Variants in PCNX1 observed in about 807,000 individuals in gnomAD.
PCNX1 encodes the protein pecanex-like protein 1.
A neutral mutation model predicts 242.2 loss-of-function variants in PCNX1; 78 were observed. The ratio of observed to expected loss-of-function variants is 0.32; its 90% CI spans 0.27 to 0.39. PCNX1 has a LOEUF of 0.39. PCNX1 is among the 10% of genes least tolerant of loss of function. The pLI is 1.00. For synonymous variants in PCNX1, 1,024 were observed against 1,032.9 expected, an observed-to-expected ratio of 0.99 and a Z score of 0.17; for missense variants, 2,581 against 2,856.5, an observed-to-expected ratio of 0.90 and a Z score of 2.20.
intron 1 of PCNX1, among the ~76,000 whole-genome samples, chr14:70,932,839 C>T (rs981568899): frequency 6.6e-6 from 1 of 151,762 alleles, no homozygotes; most frequent in Non-Finnish European, 1.5e-5. Flanking sequence ...CTCGAACTCC[C>T]GACCTCAGGT....
At chr14:71,056,578 A>G (rs1390858826) in intron 25 of PCNX1, among the ~76,000 whole-genome samples, 2 of 152,184 alleles carry the variant, frequency 1.3e-5, no homozygotes, top group Admixed American at 6.5e-5. Flanking sequence ...CTCCAATACT[A>G]TGCTTGGGGC....
chr14:71,101,875 CAT>C (rs66532761), intron 30 of PCNX1, 113 bp from the exon 31 acceptor site: 65,222 of 543,520 alleles, frequency 0.12, 5,079 homozygotes, highest in African/African-American at 0.28. Flanking sequence ...ATAATATTAA[CAT>C]GTGTTGAAAT....
chr14:71,086,240 T>C (rs2141612954), intron 28 of PCNX1, among the ~76,000 whole-genome samples: 2 of 152,358 alleles, frequency 1.3e-5, no homozygotes, highest in East Asian at 3.9e-4. Flanking sequence ...TTATGGAATA[T>C]AGTTAAAATA....
chr14:71,026,065 T>C (rs999575500), intron 13 of PCNX1, 52 bp from the exon 14 acceptor site: 1 of 1,227,302 alleles, frequency 8.1e-7, no homozygotes, highest in Non-Finnish European at 1.1e-6. Flanking sequence ...CCAGTAGTTA[T>C]TTGTGACTCT....
chr14:71,108,632 G>A lies in PCNX1; in HGVS notation c.6330G>A (p.Gln2110=), dbSNP rs777203811. Residue 2110 remains glutamine (Q), a synonymous_variant, in exon 34 of 36, where the codon CAG becomes CAA. Coordinates refer to ENST00000304743, the MANE Select transcript of PCNX1 (RefSeq NM_014982.3). ...LGTSHSSHSV[Q]SGLVRQSPAR... ...CTAGCCACAGCTCTCACTCTGTGCA[G>A]TCGGGCCTGGTCAGACAGTCTCCTG... 1.2e-6 allele frequency: 2 copies of A among 1,613,636 alleles called. No homozygotes were observed. The highest frequency in any genetic ancestry group is 1.1e-5 in the South Asian group (1 of 91,008).
intron 5 of PCNX1, among the ~76,000 whole-genome samples, chr14:70,973,814 C>T (rs2058611242): frequency 6.6e-6 from 1 of 152,090 alleles, no homozygotes; most frequent in Non-Finnish European, 1.5e-5. Flanking sequence ...ATTTAGACCT[C>T]TGCCACTGAT....
chr14:70,987,878 G>C (rs2059046186), intron 6 of PCNX1, among the ~76,000 whole-genome samples: 1 of 152,190 alleles, frequency 6.6e-6, no homozygotes, highest in African/African-American at 2.4e-5. Flanking sequence ...ATGAGTTCCT[G>C]TGCTTGCCAA....
chr14:70,972,166 C>T (rs1195712672), intron 5 of PCNX1, among the ~76,000 whole-genome samples: 1 of 150,516 alleles, frequency 6.6e-6, no homozygotes, highest in Non-Finnish European at 1.5e-5. Context: ...AAGTAGTGGT[C>T]ATAGATGAAG....
chr14:70,994,396 G>GATATATGTGTATATATAT (rs1371763584), intron 7 of PCNX1, among the ~76,000 whole-genome samples: 17 of 96,958 alleles, frequency 1.8e-4, no homozygotes, highest in African/African-American at 6.5e-4. Context: ...ACAGGCTTAA[G>GATATATGTGTATATATAT]ATATATATAT....
At chr14:71,073,892 T>TA (rs763600705) in intron 27 of PCNX1, 94 bp downstream of exon 27, 2 of 831,460 alleles carry the variant, frequency 2.4e-6, no homozygotes, top group Non-Finnish European at 3.3e-6. Context: ...TACTTTTTTT[T>TA]AACGTATGCT....
rs1338237835 is a variant in PCNX1, at chr14:71,109,856, C to G, written c.6947C>G (p.Ala2316Gly). 6.2e-7 allele frequency: 1 copy of G among 1,612,264 alleles called. No homozygotes were observed. Among genetic ancestry groups the G allele is most frequent in the African/African-American group, 1.3e-5 (1 of 74,866 alleles). ...GGTACCAGATCCCACATCGACAAGG[C>G]AGTGCTTCTGGTCCAGATTGATGAT... ...DPGTRSHIDK[A>G]VLLVQIDDKY... The change falls in exon 36 of 36, where the codon GCA becomes GGA. Residue 2316 changes from alanine to glycine, a missense_variant. Physicochemically the swap from Ala to Gly is moderately conservative, Grantham distance 60 (BLOSUM62 0). Around this residue, in one of 9 missense-constraint regions of PCNX1, gnomAD observed 432 missense variants for 433.6 expected, o/e 1.00. Coordinates refer to ENST00000304743, the MANE Select transcript of PCNX1 (RefSeq NM_014982.3).
intron 8 of PCNX1, among the ~76,000 whole-genome samples, chr14:70,998,799 A>G (rs2059426243): frequency 6.7e-6 from 1 of 149,170 alleles, no homozygotes; most frequent in South Asian, 2.1e-4. Context: ...TTTCTTTCCT[A>G]TTTATAGCTT....
intron 19 of PCNX1, among the ~76,000 whole-genome samples, chr14:71,042,662 T>G (rs2060743447): frequency 6.6e-6 from 1 of 152,112 alleles, no homozygotes; most frequent in Admixed American, 6.5e-5. Flanking sequence ...TTTGTTGACA[T>G]CAGGATACAC....
At chr14:70,945,825 G>A (rs572087342) in intron 1 of PCNX1, among the ~76,000 whole-genome samples, 7 of 152,194 alleles carry the variant, frequency 4.6e-5, no homozygotes, top group Non-Finnish European at 8.8e-5. Context: ...CCACCACTAC[G>A]CCTGGCTAGA....
At chr14:71,017,985 T>TAC (rs2060003264) in intron 11 of PCNX1, among the ~76,000 whole-genome samples, 1 of 152,214 alleles carries the variant, frequency 6.6e-6, no homozygotes. Context: ...TTACCTATTG[T>TAC]AGAAAATTTA....
At chr14:71,011,175 A>G (rs372166220) in intron 9 of PCNX1, among the ~76,000 whole-genome samples, 1 of 152,092 alleles carries the variant, frequency 6.6e-6, no homozygotes, top group Admixed American at 6.5e-5. Flanking sequence ...CAATATGTTT[A>G]TTGCTTTCTT....
rs1422077834 is a variant in PCNX1 at position 71,113,526 on chromosome 14, T to G, written c.*3591T>G. 6.5e-6 allele frequency: 1 copy of G among 152,676 alleles called. No homozygotes were observed. The highest frequency in any genetic ancestry group is 1.5e-5 in the Non-Finnish European group (1 of 68,034). The allele number at this position is 152,676 out of a possible 1,614,324, so 9.5% of individuals were successfully genotyped here. A position where few individuals can be genotyped will look rare whatever the true frequency, so the allele number is the denominator to read the frequency against. Reference sequence around the variant, plus strand: ...TTAGCTTATAGCCTTGATAAATTCCTCTGTGCTTCTGAGCAGCATCCTTCT... The same window carrying G: ...TTAGCTTATAGCCTTGATAAATTCCGCTGTGCTTCTGAGCAGCATCCTTCT... On this transcript the variant is annotated 3_prime_UTR_variant, in exon 36 of 36. Coordinates refer to ENST00000304743, the MANE Select transcript of PCNX1 (RefSeq NM_014982.3).
At chr14:71,026,030 C>A in intron 13 of PCNX1, 87 bp from the exon 14 acceptor site, 1 of 752,416 alleles carries the variant, frequency 1.3e-6, no homozygotes, top group Non-Finnish European at 2.0e-6. Flanking sequence ...AAGTTTGAAT[C>A]CTTAGAATAA....
intron 28 of PCNX1, chr14:71,085,485 T>TC (rs2061963698): frequency 6.6e-6 from 1 of 152,382 alleles, no homozygotes; most frequent in Non-Finnish European, 1.5e-5. Context: ...ACATTCAGGA[T>TC]CGACAGAATG....
Sources: allele counts gnomAD v4.1 joint callset (sites outside exome capture counted in the v4.1 genomes callset), GRCh38; gene constraint gnomAD v4.1.1; regional missense constraint gnomAD v4.1.1; transcripts MANE v1.5; gene names NCBI Gene and HGNC (gene_info 2026-07-23, HGNC 2026-07-21).